The following OPCML variants were observed in gnomAD, a reference collection of about 807,000 sequenced individuals.
OPCML encodes the protein opioid-binding protein/cell adhesion molecule.
In OPCML, 13 loss-of-function variants were observed where a neutral mutation model predicts 37.8. The observed-to-expected ratio is 0.34, with a 90% CI of 0.22 to 0.55. The LOEUF is 0.55. Ranked by LOEUF, OPCML falls within the 20% of genes least tolerant of loss-of-function variation. The probability of loss-of-function intolerance (pLI) is 0.91; values close to 1 mark genes in which losing one functional copy is unlikely to be tolerated. For missense variants in OPCML, 341 were observed against 435.6 expected (o/e 0.78, Z 1.93); for synonymous variants, 176 against 168.8 (o/e 1.04, Z -0.33).
chr11:132,482,489 A>G (rs1041591543), intron 4 of OPCML, among the ~76,000 whole-genome samples: 19 of 152,272 alleles, frequency 1.2e-4, no homozygotes, highest in South Asian at 1.2e-3. Context: ...TCTACCAGAG[A>G]TACAAGGAGG....
At chr11:133,194,253 A>C (rs1009260800) in intron 1 of OPCML, among the ~76,000 whole-genome samples, 1 of 125,036 alleles carries the variant, frequency 8.0e-6, no homozygotes, top group Admixed American at 1.0e-4. Flanking sequence ...CTGGTTGCCC[A>C]GGCTGGAGTG....
At chr11:133,458,749 ATATATACACATAGATGCACGTGTGTG>A (rs1565645870) in intron 1 of OPCML, among the ~76,000 whole-genome samples, 34 of 30,910 alleles carry the variant, frequency 1.1e-3, no homozygotes, top group Admixed American at 4.7e-3. Flanking sequence ...ACGTGTGTGT[ATATATACACATAGATGCACGTGTGTG>A]TATATACACA....
intron 1 of OPCML, among the ~76,000 whole-genome samples, chr11:133,159,172 G>C (rs573211417): frequency 6.6e-6 from 1 of 152,156 alleles, no homozygotes; most frequent in Admixed American, 6.5e-5. Context: ...AAATCTTCAC[G>C]ACCTAGGCAT....
intron 1 of OPCML, among the ~76,000 whole-genome samples, chr11:133,047,359 T>C (rs11223338): frequency 0.16 from 24,189 of 152,262 alleles, 2,437 homozygotes; most frequent in African/African-American, 0.27. Context: ...TCTCAGCTGG[T>C]GTAGCCGCGA....
In OPCML at chr11:133,521,605, T is replaced by C. The variant is rs563297927; in HGVS notation, c.61+10659A>G. ...TAGTGGTTTTCATGATTCCTTCCCA[T>C]CTGGGCTTCACCCAAAGAGGCATCC... is the stretch of plus-strand genomic sequence containing the variant. On this transcript the variant is annotated intron_variant, in intron 1 of 7. Transcript: ENST00000524381. Among the ~76,000 whole-genome samples the C allele has an allele frequency of 2.0e-5, 3 of 152,330 alleles. No individual in the cohort carries two copies. In the South Asian group the frequency reaches 6.2e-4, roughly 32 times the overall value.
chr11:132,493,626 T>G (rs1415555558), intron 4 of OPCML, among the ~76,000 whole-genome samples: 1 of 152,154 alleles, frequency 6.6e-6, no homozygotes. Flanking sequence ...TGTTCAAAAA[T>G]GTTCCCAAAA....
intron 2 of OPCML, among the ~76,000 whole-genome samples, chr11:132,893,734 A>G (rs1012635740): frequency 4.6e-5 from 7 of 152,270 alleles, no homozygotes; most frequent in African/African-American, 1.7e-4. Context: ...TTGCTTTGCA[A>G]TATGGTAATA....
intron 2 of OPCML, among the ~76,000 whole-genome samples, chr11:132,855,998 T>A (rs940644700): frequency 6.6e-6 from 1 of 152,216 alleles, no homozygotes; most frequent in African/African-American, 2.4e-5. Context: ...ACATATGATT[T>A]CACTGTAGAT....
At chr11:133,270,706 A>T (rs1158820818) in intron 1 of OPCML, among the ~76,000 whole-genome samples, 1 of 152,196 alleles carries the variant, frequency 6.6e-6, no homozygotes, top group Non-Finnish European at 1.5e-5. Context: ...AACCTCAGAC[A>T]GCCAGGAATA....
chr11:132,721,019 C>A (rs562607193), intron 2 of OPCML, among the ~76,000 whole-genome samples: 3 of 152,150 alleles, frequency 2.0e-5, no homozygotes, highest in Admixed American at 1.3e-4. Context: ...AATTCTAAAT[C>A]CCTCATACAG....
At chr11:132,749,925 C>G (rs1334898461) in intron 2 of OPCML, among the ~76,000 whole-genome samples, 1 of 151,994 alleles carries the variant, frequency 6.6e-6, no homozygotes, top group African/African-American at 2.4e-5. Flanking sequence ...CACTCTTGCC[C>G]AGGCTGGAGT....
intron 1 of OPCML, among the ~76,000 whole-genome samples, chr11:133,272,510 C>G (rs972856262): frequency 1.3e-5 from 2 of 152,180 alleles, no homozygotes; most frequent in African/African-American, 2.4e-5. Context: ...AGTTATATTT[C>G]TATCTCTGAG....
At chr11:133,337,376 T>C (rs1396796063) in intron 1 of OPCML, among the ~76,000 whole-genome samples, 1 of 152,166 alleles carries the variant, frequency 6.6e-6, no homozygotes, top group African/African-American at 2.4e-5. Context: ...ATGTCTGGTC[T>C]TGCAAGGCAG....
chr11:132,780,129 C>T (rs1024900586), intron 2 of OPCML, among the ~76,000 whole-genome samples: 3 of 152,184 alleles, frequency 2.0e-5, no homozygotes, highest in Non-Finnish European at 4.4e-5. Context: ...ATCGTCAGGT[C>T]TTACACAAAC....
chr11:132,959,481 T>A (rs1008705642), intron 1 of OPCML, among the ~76,000 whole-genome samples: 1 of 152,192 alleles, frequency 6.6e-6, no homozygotes, highest in African/African-American at 2.4e-5. Context: ...ATGAAAGAAG[T>A]TCTACTGTGG....
At chr11:133,291,568 A>T (rs1228561014) in intron 1 of OPCML, among the ~76,000 whole-genome samples, 2 of 152,156 alleles carry the variant, frequency 1.3e-5, no homozygotes, top group East Asian at 3.9e-4. Flanking sequence ...TGCGCACTGC[A>T]TGCTCTGTTC....
At chr11:133,081,169 C>G (rs1275317269) in intron 1 of OPCML, among the ~76,000 whole-genome samples, 1 of 152,120 alleles carries the variant, frequency 6.6e-6, no homozygotes, top group Non-Finnish European at 1.5e-5. Flanking sequence ...ATCTGATGTC[C>G]CTGGTGGAGA....
intron 2 of OPCML, among the ~76,000 whole-genome samples, chr11:132,660,715 C>G (rs1224619648): frequency 6.6e-6 from 1 of 152,166 alleles, no homozygotes; most frequent in East Asian, 1.9e-4. Flanking sequence ...GAATCTGTTC[C>G]TGATGCAATC....
chr11:132,731,127 G>T lies in OPCML; in HGVS notation c.147-73808C>A, dbSNP rs995759734. ...AACCACATATGGTTATTGGATTTTTGAACTATGGATAGGGTGATTAAGAAA... is the reference window on the plus strand; with the variant it reads ...AACCACATATGGTTATTGGATTTTTTAACTATGGATAGGGTGATTAAGAAA... On this transcript the variant is annotated intron_variant, in intron 2 of 7. Transcript: ENST00000524381. Among the ~76,000 whole-genome samples the T allele has an allele frequency of 5.9e-5, 9 of 152,228 alleles. No homozygotes were observed. In the East Asian group the frequency reaches 1.4e-3, roughly 23 times the overall value.
Sources: allele counts gnomAD v4.1 joint callset (sites outside exome capture counted in the v4.1 genomes callset), GRCh38; gene constraint gnomAD v4.1.1; transcripts MANE v1.5; gene names NCBI Gene and HGNC (gene_info 2026-07-23, HGNC 2026-07-21).